NSD1: variants seen among roughly 807,000 people sequenced by gnomAD.
NSD1 encodes the protein histone-lysine N-methyltransferase, H3 lysine-36 specific.
A neutral mutation model predicts 242.7 loss-of-function variants in NSD1; 26 were observed. The ratio of observed to expected loss-of-function variants is 0.11; its 90% CI spans 0.08 to 0.15. The LOEUF (loss-of-function observed/expected upper bound fraction) is 0.15. Among genes scored for constraint, NSD1 ranks in the 10% least tolerant of loss-of-function variants. NSD1 has a pLI of 1.00. For missense variants in NSD1, 2,495 were observed against 3,272.8 expected, an observed-to-expected ratio of 0.76 and a Z score of 5.80; for synonymous variants, 1,106 against 1,178.1, an observed-to-expected ratio of 0.94 and a Z score of 1.25.
chr5:177,273,224 A>AG (rs1268319072), intron 16 of NSD1, among the ~76,000 whole-genome samples: 68 of 150,840 alleles, frequency 4.5e-4, no homozygotes, highest in Non-Finnish European at 8.1e-4. Context: ...ACAGTTGTCT[A>AG]ATCTTTTGGC....
intron 5 of NSD1, among the ~76,000 whole-genome samples, chr5:177,221,256 C>T (rs919843305): frequency 6.6e-6 from 1 of 150,946 alleles, no homozygotes; most frequent in African/African-American, 2.4e-5. Context: ...TGGTTTGTAG[C>T]TGTTTTGTCC....
At position 177,294,777 on chromosome 5, in the gene NSD1, C is replaced by G. The variant is rs760304043; in HGVS notation, c.7409C>G (p.Ala2470Gly). ...ACTCCTCGCCAGAAGGAGCGGGCAG[C>G]TTCACCTCATCAGGTCACACCACAG... ...DLTPRQKERA[A>G]SPHQVTPQAD... Residue 2470 changes from alanine to glycine, a missense_variant, in exon 23 of 23, where the codon GCT becomes GGT. By Grantham distance (60) the Ala-to-Gly change is moderately conservative (BLOSUM62 0). Around this residue, in one of 19 missense-constraint regions of NSD1, gnomAD observed 475 missense variants for 563.7 expected, o/e 0.84. Coordinates refer to ENST00000439151, the MANE Select transcript of NSD1 (RefSeq NM_022455.5). The G allele has an allele frequency of 6.2e-7, 1 of 1,613,770 alleles. No individual in the cohort carries two copies. The highest frequency in any genetic ancestry group is 8.5e-7 in the Non-Finnish European group (1 of 1,180,048).
At chr5:177,169,275 A>T (rs1581190592) in intron 2 of NSD1, 1 of 155,288 alleles carries the variant, frequency 6.4e-6, no homozygotes, top group East Asian at 1.9e-4. Flanking sequence ...TGCATGCCAC[A>T]GTCCGATTGA....
At chr5:177,235,751 T>G in intron 5 of NSD1, 70 bp from the exon 6 acceptor site, 1 of 1,602,934 alleles carries the variant, frequency 6.2e-7, no homozygotes, top group Non-Finnish European at 8.5e-7. Flanking sequence ...GAGTATCAGA[T>G]GGTCTCATAA....
rs1183569859 is a variant in NSD1, at chr5:177,158,998, T to TTATATATATATATATATGAATGATATA, written c.927+22985_927+22986insGAATGATATATATATATATATATATAT. Among the ~76,000 whole-genome samples the TTATATATATATATATATGAATGATATA allele has an allele frequency of 2.4e-3, 296 of 122,586 alleles. 6 individuals carry two copies. Among genetic ancestry groups the TTATATATATATATATATGAATGATATA allele is most frequent in the African/African-American group, 0.011 (282 of 26,304 alleles). The allele number at this position is 122,586 out of a possible 152,430, so 80.4% of individuals were successfully genotyped here. On this transcript the variant is annotated intron_variant, in intron 2 of 22. Coordinates refer to ENST00000439151, the MANE Select transcript of NSD1 (RefSeq NM_022455.5). ...TATACACACATATATATGAATGATT[T>TTATATATATATATATATGAATGATATA]TATATATATATATATATATATATAT...
At chr5:177,280,540 G>A (rs1347210089) in intron 17 of NSD1, 25 bp from the exon 18 acceptor site, 4 of 1,614,136 alleles carry the variant, frequency 2.5e-6, no homozygotes, top group South Asian at 2.2e-5. Flanking sequence ...TGTTTTATGC[G>A]GTGTACTTTG....
Position 177,134,688 on chromosome 5 carries a change from C to T in NSD1, c.-17-399C>T, listed in dbSNP as rs1314804053. Among the ~76,000 whole-genome samples, 1 of 152,190 alleles carries T rather than the reference C, an allele frequency of 6.6e-6. No homozygotes were observed. The highest frequency in any genetic ancestry group is 2.4e-5 in the African/African-American group (1 of 41,458). On this transcript the variant is annotated intron_variant, in intron 1 of 22. Coordinates refer to ENST00000439151, the MANE Select transcript of NSD1 (RefSeq NM_022455.5). The surrounding 1 kb of genome is among the most constrained non-coding windows in gnomAD (Gnocchi z 4.2). Reference sequence around the variant, plus strand: ...GGGGGGTACCTTTTTGTGCAGGGTCCAGGAGCCCCCCTCGGACCCCGCAGC... The same window carrying T: ...GGGGGGTACCTTTTTGTGCAGGGTCTAGGAGCCCCCCTCGGACCCCGCAGC...
chr5:177,299,324 A>G lies in NSD1; in HGVS notation c.*3865A>G, dbSNP rs1281199930. On this transcript the variant is annotated 3_prime_UTR_variant, in exon 23 of 23. Transcript: ENST00000439151. ...GTTTGAGGCTTTGTTAAAAGTGGGG[A>G]GAAGGAAGATCCTCAGTGAAGCCTG... The G allele has an allele frequency of 4.3e-6, 1 of 233,150 alleles. No individual in the cohort carries two copies. Among genetic ancestry groups the G allele is most frequent in the Non-Finnish European group, 8.5e-6 (1 of 118,058 alleles). 14.4% of individuals were successfully genotyped at this position (233,150 alleles called of 1,614,324 possible).
rs567056057 is a variant in NSD1 at position 177,134,661 on chromosome 5, G to GT, written c.-17-426_-17-425insT. Among the ~76,000 whole-genome samples the GT allele has an allele frequency of 6.5e-4, 98 of 151,822 alleles. No homozygotes were observed. The highest frequency in any genetic ancestry group is 1.6e-3 in the African/African-American group (66 of 41,474). On this transcript the variant is annotated intron_variant, in intron 1 of 22. Coordinates refer to ENST00000439151, the MANE Select transcript of NSD1 (RefSeq NM_022455.5). The surrounding 1 kb of genome is among the most constrained non-coding windows in gnomAD (Gnocchi z 4.2). ...CCGCTGCGCCCTAGCGAGCCAGGAA[G>GT]GGGGGGGTACCTTTTTGTGCAGGGT...
intron 5 of NSD1, chr5:177,229,621 T>G (rs887448610): frequency 9.3e-6 from 2 of 215,224 alleles, no homozygotes; most frequent in Non-Finnish European, 1.9e-5. Flanking sequence ...AGTAGGTGAA[T>G]TCTCCATGCT....
chr5:177,272,342 A>G (rs1292852020), intron 16 of NSD1, among the ~76,000 whole-genome samples: 1 of 152,064 alleles, frequency 6.6e-6, no homozygotes, highest in Non-Finnish European at 1.5e-5. Context: ...ATTTTAGGAC[A>G]ATTTAGATGA....
chr5:177,277,918 C>T (rs1285251154), intron 17 of NSD1, among the ~76,000 whole-genome samples: 3 of 152,156 alleles, frequency 2.0e-5, no homozygotes, highest in Non-Finnish European at 4.4e-5. Context: ...GGGAAGGGTT[C>T]AAGTAAAAAT....
At chr5:177,188,864 A>G (rs546338498) in intron 2 of NSD1, among the ~76,000 whole-genome samples, 1 of 152,220 alleles carries the variant, frequency 6.6e-6, no homozygotes, top group South Asian at 2.1e-4. Flanking sequence ...ATGCTTTAAC[A>G]GCTTGGGCAA....
At position 177,264,643 on chromosome 5, in the gene NSD1, ACACACCC is replaced by A. The variant is rs539553035; in HGVS notation, c.5147-2917_5147-2911del. The A allele has an allele frequency of 4.0e-3, 1,692 of 427,904 alleles. 3 individuals are homozygous for A. The highest frequency in any genetic ancestry group is 5.5e-3 in the Non-Finnish European group (1,280 of 231,702). 26.5% of individuals were successfully genotyped at this position (427,904 alleles called of 1,614,324 possible). On this transcript the variant is annotated intron_variant, in intron 14 of 22. Transcript: ENST00000439151. ...AGTTGAAGTAGGAGTCTGATCTGAA[ACACACCC>A]CTGGCCCCAACAAAAACAAATAAAA... is the stretch of plus-strand genomic sequence containing the variant.
Position 177,210,417 on chromosome 5 carries a change from A to C in NSD1, c.2018A>C (p.Glu673Ala). Residue 673 changes from glutamate (E) to alanine (A), a missense_variant, in exon 5 of 23, where the codon GAG becomes GCG. Coordinates refer to ENST00000439151, the MANE Select transcript of NSD1 (RefSeq NM_022455.5). Reference sequence around the variant, plus strand: ...ATTCCAGATGCTTTCGATAGAACAGAGAACATGTTATCTATGCAGAAAAAT... The same window carrying C: ...ATTCCAGATGCTTTCGATAGAACAGCGAACATGTTATCTATGCAGAAAAAT... ...LEIPDAFDRT[E>A]NMLSMQKNEK... 1.2e-6 allele frequency: 2 copies of C among 1,614,206 alleles called. No homozygotes were observed. The highest frequency in any genetic ancestry group is 1.7e-6 in the Non-Finnish European group (2 of 1,180,036).
intron 2 of NSD1, among the ~76,000 whole-genome samples, chr5:177,188,354 T>A (rs1761400303): frequency 6.6e-6 from 1 of 152,208 alleles, no homozygotes; most frequent in South Asian, 2.1e-4. Flanking sequence ...TTGGATTTGG[T>A]CCTTATTGTC....
intron 2 of NSD1, among the ~76,000 whole-genome samples, chr5:177,158,289 CTTTCTTTCTTTCTTTT>C (rs1562130528): frequency 1.9e-4 from 18 of 94,630 alleles, no homozygotes; most frequent in African/African-American, 9.5e-4. Flanking sequence ...TTCTTTCTTT[CTTTCTTTCTTTCTTTT>C]CTTTCTTTTC....
In NSD1 at chr5:177,295,541, TAAAA is replaced by T. The variant is rs199928842; in HGVS notation, c.*88_*91del. ...GGAAATCTTTTCTTTCTTTCCCCCT[TAAAA>T]AAAAACACATCTGCCCCGAACACTT... On this transcript the variant is annotated 3_prime_UTR_variant, in exon 23 of 23. Coordinates refer to ENST00000439151, the MANE Select transcript of NSD1 (RefSeq NM_022455.5). The surrounding 1 kb of genome is among the most constrained non-coding windows in gnomAD (Gnocchi z 4.3). 1 of 1,303,520 alleles carries T rather than the reference TAAAA, an allele frequency of 7.7e-7. No individual in the cohort carries two copies. Among genetic ancestry groups the T allele is most frequent in the African/African-American group, 1.5e-5 (1 of 67,310 alleles). 80.7% of individuals were successfully genotyped at this position (1,303,520 alleles called of 1,614,324 possible).
At position 177,293,822 on chromosome 5, in the gene NSD1, G is replaced by T. The variant is rs765985810; in HGVS notation, c.6464-10G>T. On this transcript the variant is annotated splice_polypyrimidine_tract_variant and intron_variant, in intron 22 of 22. Coordinates refer to ENST00000439151, the MANE Select transcript of NSD1 (RefSeq NM_022455.5). Reference sequence around the variant, plus strand: ...TTTCCTAAACTTTTGATTTACTTCTGTGTTTTCAGGGAAATGGGAATGTCC... The same window carrying T: ...TTTCCTAAACTTTTGATTTACTTCTTTGTTTTCAGGGAAATGGGAATGTCC... 1 of 1,613,898 alleles carries T rather than the reference G, an allele frequency of 6.2e-7. No individual in the cohort carries two copies. The highest frequency in any genetic ancestry group is 1.1e-5 in the South Asian group (1 of 91,060).
Sources: gnomAD v4.1 joint callset for allele counts (sites outside exome capture counted in the v4.1 genomes callset) on GRCh38, gnomAD v4.1.1 for gene constraint, gnomAD v4.1.1 regional missense constraint, Gnocchi (gnomAD v3.1) non-coding constraint, MANE v1.5 for transcripts, NCBI Gene and HGNC (gene_info 2026-07-23, HGNC 2026-07-21) for gene names.